ETS1: variants seen among roughly 807,000 people sequenced by gnomAD.
ETS1 encodes protein C-ets-1.
In ETS1, 15 loss-of-function variants were observed where a neutral mutation model predicts 58.6. That is an observed-to-expected ratio of 0.26 (90% CI 0.17 to 0.39). The LOEUF (loss-of-function observed/expected upper bound fraction) is 0.39, where lower values mean the gene tolerates loss of function less well. Among genes scored for constraint, ETS1 ranks in the 10% least tolerant of loss-of-function variants. ETS1 has a pLI of 1.00. For synonymous variants in ETS1, 214 were observed against 218.2 expected, an observed-to-expected ratio of 0.98 and a Z score of 0.17; for missense variants, 417 against 610.5, an observed-to-expected ratio of 0.68 and a Z score of 3.34.
intron 3 of ETS1, among the ~76,000 whole-genome samples, chr11:128,493,536 T>C (rs147221270): frequency 3.3e-4 from 50 of 152,292 alleles, no homozygotes; most frequent in African/African-American, 1.2e-3. Flanking sequence ...GCTAGATCTC[T>C]TTAAAAAAAG....
chr11:128,505,762 A>C (rs1343025281), intron 3 of ETS1, among the ~76,000 whole-genome samples: 1 of 152,208 alleles, frequency 6.6e-6, no homozygotes, highest in East Asian at 1.9e-4. Context: ...CTGCCTGGGT[A>C]GGTGAGAAAG....
At chr11:128,499,501 A>C (rs1397159636) in intron 3 of ETS1, among the ~76,000 whole-genome samples, 1 of 152,348 alleles carries the variant, frequency 6.6e-6, no homozygotes, top group African/African-American at 2.4e-5. Flanking sequence ...TAAGATTATC[A>C]AACCAGTAAA....
intron 8 of ETS1, among the ~76,000 whole-genome samples, chr11:128,478,455 GAGGAAGGA>G (rs1214297560): frequency 9.8e-6 from 1 of 102,370 alleles, no homozygotes; most frequent in African/African-American, 5.2e-5. Flanking sequence ...GAGAGGGAGG[GAGGAAGGA>G]AGGAAGGAAG....
rs140687076 is a variant in ETS1 at position 128,564,102 on chromosome 11, G to A, written c.70-7667C>T. 2.4e-3 allele frequency among the ~76,000 whole-genome samples: 366 copies of A among 152,270 alleles called. 1 individual carries two copies. Among genetic ancestry groups the A allele is most frequent in the African/African-American group, 8.2e-3 (341 of 41,546 alleles). ...GCCTCAGAAGGACATGGGCAAGGGC[G>A]TGGTTTCTGGGGCACATCTGTTCAG... On this transcript the variant is annotated intron_variant, in intron 2 of 9. Coordinates refer to ENST00000392668, the MANE Select transcript of ETS1 (RefSeq NM_001143820.2).
rs940274943 is a variant in ETS1, at chr11:128,533,272, G to C, written c.214+23019C>G. Among the ~76,000 whole-genome samples, 3 of 152,226 alleles carry C rather than the reference G, an allele frequency of 2.0e-5. No individual in the cohort carries two copies. In the East Asian group the frequency reaches 5.8e-4, roughly 29 times the overall value. On this transcript the variant is annotated intron_variant, in intron 3 of 9. Transcript: ENST00000392668. Reference sequence around the variant, plus strand: ...ATTCCCCACATCGCAATACACAAGGGCTGCCGCCGCCATTGCAGGAGAGTG... The same window carrying C: ...ATTCCCCACATCGCAATACACAAGGCCTGCCGCCGCCATTGCAGGAGAGTG...
At position 128,489,373 on chromosome 11, in the gene ETS1, G is replaced by A; in HGVS notation, c.452C>T (p.Ala151Val). The change falls in exon 5 of 10, where the codon GCC becomes GTC. Residue 151 changes from alanine to valine, a missense_variant. Ala to Val is a moderately conservative substitution (Grantham distance 64). Coordinates refer to ENST00000392668, the MANE Select transcript of ETS1 (RefSeq NM_001143820.2). ...CTCGAGAAAGCAGTCTTTACCCAGG[G>A]CGCAGAGGGCTGCTCCATTCATACA... ...KFCMNGAALC[A>V]LGKDCFLELA... is the part of the protein sequence containing the mutation. 6.2e-7 allele frequency: 1 copy of A among 1,614,186 alleles called. No individual in the cohort carries two copies. The highest frequency in any genetic ancestry group is 1.1e-5 in the South Asian group (1 of 91,080).
intron 8 of ETS1, among the ~76,000 whole-genome samples, chr11:128,475,806 C>T (rs1004665122): frequency 6.6e-6 from 1 of 152,086 alleles, no homozygotes; most frequent in Non-Finnish European, 1.5e-5. Flanking sequence ...CTGCCTCTGC[C>T]TCCCAAAGTG....
At chr11:128,470,403 T>A (rs1862154400) in intron 8 of ETS1, among the ~76,000 whole-genome samples, 1 of 152,216 alleles carries the variant, frequency 6.6e-6, no homozygotes, top group South Asian at 2.1e-4. Context: ...AATCACCATA[T>A]GCAATCTTAT....
At chr11:128,510,735 CCCCTT>C (rs1271269509) in intron 3 of ETS1, among the ~76,000 whole-genome samples, 1 of 152,174 alleles carries the variant, frequency 6.6e-6, no homozygotes, top group Non-Finnish European at 1.5e-5. Context: ...ATCCCTACCT[CCCCTT>C]CCCTAGTAAT....
Position 128,460,167 on chromosome 11 carries a change from AC to A in ETS1, c.*2193del, listed in dbSNP as rs981905590. ...CACACACACCTTTTGCCAGTGCCCA[AC>A]AAAAATCACATAATCTAAGAGAAAA... is the stretch of plus-strand genomic sequence containing the variant. On this transcript the variant is annotated 3_prime_UTR_variant, in exon 10 of 10. Transcript: ENST00000392668. 7.2e-5 allele frequency: 11 copies of A among 152,794 alleles called. No homozygotes were observed. Among genetic ancestry groups the A allele is most frequent in the African/African-American group, 2.4e-4 (10 of 41,430 alleles). 9.5% of individuals were successfully genotyped at this position (152,794 alleles called of 1,614,324 possible).
intron 3 of ETS1, among the ~76,000 whole-genome samples, chr11:128,507,856 T>C (rs1863284821): frequency 6.6e-6 from 1 of 151,860 alleles, no homozygotes; most frequent in Non-Finnish European, 1.5e-5. Flanking sequence ...AAGTACAGAG[T>C]TTTTCTCCTA....
intron 2 of ETS1, among the ~76,000 whole-genome samples, chr11:128,560,040 T>A (rs900846521): frequency 2.6e-5 from 4 of 152,030 alleles, no homozygotes; most frequent in African/African-American, 7.3e-5. Flanking sequence ...CCACAGGTGA[T>A]TGCCGAAAGG....
chr11:128,542,856 C>T (rs961788554), intron 3 of ETS1, among the ~76,000 whole-genome samples: 3 of 152,108 alleles, frequency 2.0e-5, no homozygotes, highest in African/African-American at 7.2e-5. Flanking sequence ...AATGCCTTTC[C>T]TCCCTATTAT....
At chr11:128,486,372 AT>A (rs1182746096) in intron 5 of ETS1, among the ~76,000 whole-genome samples, 1 of 152,174 alleles carries the variant, frequency 6.6e-6, no homozygotes, top group Admixed American at 6.5e-5. Flanking sequence ...GCAAAATGGG[AT>A]TTAGTATCTT....
intron 3 of ETS1, among the ~76,000 whole-genome samples, chr11:128,492,152 T>C (rs992994280): frequency 1.3e-5 from 2 of 152,226 alleles, no homozygotes; most frequent in African/African-American, 2.4e-5. Context: ...AACTGACTTA[T>C]AAAATGACTA....
chr11:128,569,318 C>CTTTTTTTT (rs398018017), intron 2 of ETS1, among the ~76,000 whole-genome samples: 924 of 39,392 alleles, frequency 0.023, 261 homozygotes, highest in African/African-American at 0.096. Flanking sequence ...AGAGTTTCTT[C>CTTTTTTTT]TTTTTTTTTT....
intron 8 of ETS1, among the ~76,000 whole-genome samples, chr11:128,473,693 A>T (rs962546630): frequency 2.0e-5 from 3 of 152,202 alleles, no homozygotes; most frequent in Non-Finnish European, 2.9e-5. Context: ...ACCTGCAGGC[A>T]TCACATGCAA....
intron 3 of ETS1, among the ~76,000 whole-genome samples, chr11:128,554,029 C>A (rs1265355060): frequency 6.6e-6 from 1 of 152,184 alleles, no homozygotes; most frequent in Non-Finnish European, 1.5e-5. Context: ...ACTGGTTGGT[C>A]TATGTCTTCA....
At chr11:128,522,038 G>A (rs765542448) in intron 3 of ETS1, 6 of 1,540,138 alleles carry the variant, frequency 3.9e-6, no homozygotes, top group Non-Finnish European at 5.3e-6. Flanking sequence ...CAAGTTTGCA[G>A]TTACTGTTGT....
Sources: gnomAD v4.1 joint callset for allele counts (sites outside exome capture counted in the v4.1 genomes callset) on GRCh38, gnomAD v4.1.1 for gene constraint, MANE v1.5 for transcripts, NCBI Gene and HGNC (gene_info 2026-07-23, HGNC 2026-07-21) for gene names.